LMX1B: variants seen among roughly 807,000 people sequenced by gnomAD.
LMX1B encodes LIM homeobox transcription factor 1-beta.
In LMX1B, 12 loss-of-function variants were observed where a neutral mutation model predicts 51.4. The observed-to-expected ratio is 0.23, with a 90% CI of 0.15 to 0.38. The LOEUF is 0.38. Ranked by LOEUF, LMX1B falls within the 10% of genes least tolerant of loss-of-function variation. LMX1B has a pLI of 1.00. For synonymous variants in LMX1B, 237 were observed against 235.4 expected (o/e 1.01, Z -0.06); for missense variants, 445 against 571.1 (o/e 0.78, Z 2.25).
At chr9:126,630,846 CA>C (rs1442723469) in intron 2 of LMX1B, among the ~76,000 whole-genome samples, 2 of 152,276 alleles carry the variant, frequency 1.3e-5, no homozygotes, top group Non-Finnish European at 2.9e-5. Flanking sequence ...GGAGCGTGGC[CA>C]GCCCTCACAG....
rs183230593 is a variant in LMX1B at position 126,673,717 on chromosome 9, C to T, written c.327-17119C>T. Reference sequence around the variant, plus strand: ...TGGGCGCCTCACCTCCTCCCTGACTCCTGGAGACTCCCAGCCCCTGTCTGG... The same window carrying T: ...TGGGCGCCTCACCTCCTCCCTGACTTCTGGAGACTCCCAGCCCCTGTCTGG... On this transcript the variant is annotated intron_variant, in intron 2 of 7. Transcript: ENST00000373474. The surrounding 1 kb of genome is among the most constrained non-coding windows in gnomAD (Gnocchi z 4.4). Among the ~76,000 whole-genome samples, 22 of 152,250 alleles carry T rather than the reference C, an allele frequency of 1.4e-4. No individual in the cohort carries two copies. Among genetic ancestry groups the T allele is most frequent in the Admixed American group, 1.4e-3 (21 of 15,306 alleles).
At chr9:126,637,377 C>T (rs1228711874) in intron 2 of LMX1B, among the ~76,000 whole-genome samples, 1 of 151,986 alleles carries the variant, frequency 6.6e-6, no homozygotes, top group East Asian at 1.9e-4. Context: ...GTGCCTGTGG[C>T]TGAGGGTGCC....
intron 2 of LMX1B, among the ~76,000 whole-genome samples, chr9:126,628,645 T>C (rs1416139913): frequency 6.6e-6 from 1 of 152,208 alleles, no homozygotes; most frequent in Non-Finnish European, 1.5e-5. Context: ...CTGATAGTTG[T>C]TCTGTTGGAG....
chr9:126,616,170 A>C (rs1239166709), intron 2 of LMX1B, among the ~76,000 whole-genome samples: 31 of 152,230 alleles, frequency 2.0e-4, no homozygotes. Flanking sequence ...TGGTTGGAGA[A>C]GCACTCTAGG....
intron 2 of LMX1B, among the ~76,000 whole-genome samples, chr9:126,656,123 G>C (rs909116248): frequency 6.6e-6 from 1 of 152,200 alleles, no homozygotes; most frequent in Non-Finnish European, 1.5e-5. Context: ...CACATTGTCT[G>C]ACCACAGGAG....
chr9:126,649,514 AGTTT>A (rs374270928), intron 2 of LMX1B, among the ~76,000 whole-genome samples: 1 of 152,288 alleles, frequency 6.6e-6, no homozygotes, highest in East Asian at 1.9e-4. Flanking sequence ...ACTTTCCCAG[AGTTT>A]CTGATTTAGT....
rs1835288947 is a variant in LMX1B at position 126,615,610 on chromosome 9, C to T, written c.326+41C>T. On this transcript the variant is annotated intron_variant, in intron 2 of 7. Coordinates refer to ENST00000373474, the MANE Select transcript of LMX1B (RefSeq NM_001174147.2). The surrounding 1 kb of genome is among the most constrained non-coding windows in gnomAD (Gnocchi z 6.0). The stretch of plus-strand genomic sequence containing the variant: ...CCTCCTTCCCCGCCACCGCCCGGCA[C>T]TCGAGCCCGGTCAGCCCCCTGCCGG... 2 of 1,560,190 alleles carry T rather than the reference C, an allele frequency of 1.3e-6. No homozygotes were observed. Among genetic ancestry groups the T allele is most frequent in the Middle Eastern group, 3.4e-4 (2 of 5,956 alleles).
At chr9:126,644,947 G>A (rs1474304548) in intron 2 of LMX1B, among the ~76,000 whole-genome samples, 1 of 152,142 alleles carries the variant, frequency 6.6e-6, no homozygotes, top group East Asian at 1.9e-4. Flanking sequence ...AGGGCCTGGG[G>A]GCTTCTCCTG....
chr9:126,685,141 G>T (rs1304087295), intron 2 of LMX1B, among the ~76,000 whole-genome samples: 1 of 152,176 alleles, frequency 6.6e-6, no homozygotes, highest in Admixed American at 6.5e-5. Flanking sequence ...ATCAGGGAAG[G>T]CTTCACAGAG....
At chr9:126,687,348 C>T (rs1428011809) in intron 2 of LMX1B, among the ~76,000 whole-genome samples, 5 of 152,126 alleles carry the variant, frequency 3.3e-5, no homozygotes, top group East Asian at 1.9e-4. Context: ...CTTGCCTCAA[C>T]CTCCGGAGTA....
chr9:126,691,489 GAC>G (rs564818599), intron 3 of LMX1B, among the ~76,000 whole-genome samples: 312 of 152,292 alleles, frequency 2.0e-3, no homozygotes, highest in African/African-American at 7.0e-3. Context: ...ATACACACAT[GAC>G]ACAGCACACT....
rs1419858283 is a variant in LMX1B at position 126,614,423 on chromosome 9, C to G, written c.-27C>G. 2.8e-5 allele frequency: 41 copies of G among 1,446,878 alleles called. No homozygotes were observed. Among genetic ancestry groups the G allele is most frequent in the Non-Finnish European group, 3.6e-5 (39 of 1,095,628 alleles). 89.6% of individuals were successfully genotyped at this position (1,446,878 alleles called of 1,614,324 possible). A position where few individuals can be genotyped will look rare whatever the true frequency, so the allele number is the denominator to read the frequency against. ...GCCGGCGGGCGAGCAGCCCGGCCGGCGGGGTCCGCAGCGCGCCCCGCGTCC... is the reference window on the plus strand; with the variant it reads ...GCCGGCGGGCGAGCAGCCCGGCCGGGGGGGTCCGCAGCGCGCCCCGCGTCC... On this transcript the variant is annotated 5_prime_UTR_variant, in exon 1 of 8. Coordinates refer to ENST00000373474, the MANE Select transcript of LMX1B (RefSeq NM_001174147.2).
At chr9:126,693,907 GC>G in intron 6 of LMX1B, 95 bp downstream of exon 6, 1 of 674,422 alleles carries the variant, frequency 1.5e-6, no homozygotes, top group South Asian at 1.7e-5. Flanking sequence ...AGAGGCTGGG[GC>G]TGGGTGAGCC....
At chr9:126,635,978 G>C (rs1835707180) in intron 2 of LMX1B, among the ~76,000 whole-genome samples, 1 of 152,176 alleles carries the variant, frequency 6.6e-6, no homozygotes, top group African/African-American at 2.4e-5. Context: ...GAGCACTGGG[G>C]ACGAGTGATG....
chr9:126,628,490 C>T (rs1482899272), intron 2 of LMX1B, among the ~76,000 whole-genome samples: 2 of 152,214 alleles, frequency 1.3e-5, no homozygotes, highest in Admixed American at 6.5e-5. Context: ...CCGCCAGCAA[C>T]AGCCAGGTCT....
At position 126,621,652 on chromosome 9, in the gene LMX1B, C is replaced by CCT. The variant is rs1564145908; in HGVS notation, c.326+6083_326+6084insCT. Among the ~76,000 whole-genome samples, 6 of 100,306 alleles carry CCT rather than the reference C, an allele frequency of 6.0e-5. 2 individuals carry two copies. The highest frequency in any genetic ancestry group is 1.9e-5 in the Non-Finnish European group (1 of 54,022). The allele number at this position is 100,306 out of a possible 152,430, so 65.8% of individuals were successfully genotyped here. A position where few individuals can be genotyped will look rare whatever the true frequency, so the allele number is the denominator to read the frequency against. On this transcript the variant is annotated intron_variant, in intron 2 of 7. Transcript: ENST00000373474. ...CTATAGGGTTTTTCTCTCTCTCTCT[C>CCT]TTCTTTTTTTTTTTTTTTTTTTTTT...
chr9:126,690,777 A>T (rs537197829), intron 2 of LMX1B, 59 bp from the exon 3 acceptor site: 1 of 1,438,640 alleles, frequency 7.0e-7, no homozygotes, highest in African/African-American at 1.4e-5. Flanking sequence ...CCTCGGCAGG[A>T]GTGGCCTCTG....
At chr9:126,669,380 C>T (rs188348485) in intron 2 of LMX1B, among the ~76,000 whole-genome samples, 1 of 152,166 alleles carries the variant, frequency 6.6e-6, no homozygotes, top group African/African-American at 2.4e-5. Context: ...GTGGGTGGGT[C>T]ACTGCCCTCT....
chr9:126,691,107 G>A (rs1303781624), intron 3 of LMX1B, 39 bp downstream of exon 3: 4 of 1,504,642 alleles, frequency 2.7e-6, no homozygotes, highest in Admixed American at 1.9e-5. Context: ...CCTCAGGGAC[G>A]GGGGTTGCTG....
Sources: allele counts gnomAD v4.1 joint callset (sites outside exome capture counted in the v4.1 genomes callset), GRCh38; gene constraint gnomAD v4.1.1; non-coding constraint Gnocchi (gnomAD v3.1); transcripts MANE v1.5; gene names NCBI Gene and HGNC (gene_info 2026-07-23, HGNC 2026-07-21).